SLC30A7: variants seen among roughly 807,000 people sequenced by gnomAD.
SLC30A7 encodes the protein zinc transporter 7.
SLC30A7 carries 35 observed loss-of-function variants against 46.0 expected under a neutral mutation model. That is an observed-to-expected ratio of 0.76 (90% confidence interval 0.58 to 1.01). SLC30A7 has a LOEUF of 1.01. Ranked by LOEUF, SLC30A7 falls within the 50% of genes least tolerant of loss-of-function variation. The probability of loss-of-function intolerance (pLI) is 0.00; values close to 1 mark genes in which losing one functional copy is unlikely to be tolerated. For missense variants in SLC30A7, 464 were observed against 451.1 expected, an observed-to-expected ratio of 1.03 and a Z score of -0.26; for synonymous variants, 147 against 157.8, an observed-to-expected ratio of 0.93 and a Z score of 0.51.
chr1:100,948,063 TG>T (rs755220610), intron 8 of SLC30A7, among the ~76,000 whole-genome samples: 6 of 152,200 alleles, frequency 3.9e-5, no homozygotes, highest in Non-Finnish European at 5.9e-5. Flanking sequence ...AGGTTAATAT[TG>T]TTATGTGTGA....
chr1:100,910,223 A>C (rs1227529245), intron 3 of SLC30A7, among the ~76,000 whole-genome samples: 1 of 152,100 alleles, frequency 6.6e-6, no homozygotes, highest in Non-Finnish European at 1.5e-5. Flanking sequence ...TATATTGTTT[A>C]AGGACCAGAG....
At chr1:100,962,026 C>A in intron 9 of SLC30A7, 108 bp downstream of exon 9, 2 of 592,694 alleles carry the variant, frequency 3.4e-6, no homozygotes, top group Non-Finnish European at 5.8e-6. Context: ...CTGTTTCTTC[C>A]AAGATTGAAT....
At chr1:100,919,431 C>T (rs529946434) in intron 7 of SLC30A7, among the ~76,000 whole-genome samples, 4 of 152,172 alleles carry the variant, frequency 2.6e-5, no homozygotes, top group South Asian at 2.1e-4. Context: ...ATATAACTCT[C>T]GTTTTTTATT....
At chr1:100,896,401 C>G in intron 1 of SLC30A7, 59 bp downstream of exon 1, 1 of 1,578,552 alleles carries the variant, frequency 6.3e-7, no homozygotes, top group South Asian at 1.1e-5. Flanking sequence ...AAGGCCCAGA[C>G]CTCAGGATGG....
intron 8 of SLC30A7, among the ~76,000 whole-genome samples, chr1:100,936,067 CTTCTT>C (rs1321378081): frequency 6.6e-6 from 1 of 151,602 alleles, no homozygotes; most frequent in Non-Finnish European, 1.5e-5. Context: ...TTTAAATTGT[CTTCTT>C]TTCATTTTTC....
At chr1:100,963,674 ATGATCTGCACTGTCCAATAT>A (rs1655677918) in intron 9 of SLC30A7, among the ~76,000 whole-genome samples, 1 of 152,142 alleles carries the variant, frequency 6.6e-6, no homozygotes, top group Non-Finnish European at 1.5e-5. Flanking sequence ...GAAATGTTCT[ATGATCTGCACTGTCCAATAT>A]GGAAGCCACA....
At chr1:100,915,226 TTTCTTTCTTTC>T (rs1454350382) in intron 6 of SLC30A7, among the ~76,000 whole-genome samples, 1 of 147,482 alleles carries the variant, frequency 6.8e-6, no homozygotes, top group Non-Finnish European at 1.5e-5. Context: ...TCTTTCTTTC[TTTCTTTCTTTC>T]TTTCTTTCTT....
chr1:100,979,246 C>T lies in SLC30A7; in HGVS notation c.*4389C>T, dbSNP rs1194629867. On this transcript the variant is annotated 3_prime_UTR_variant, in exon 11 of 11. Transcript: ENST00000357650. ...TAAACTTTTTTTTTCCTTTCATCAC[C>T]GTCTTTGAAACAAATTATTTTCCAA... 4 of 151,058 alleles carry T rather than the reference C, an allele frequency of 2.6e-5. No individual in the cohort carries two copies. The highest frequency in any genetic ancestry group is 2.1e-4 in the South Asian group (1 of 4,800). The allele number at this position is 151,058 out of a possible 1,614,324, so 9.4% of individuals were successfully genotyped here.
intron 2 of SLC30A7, among the ~76,000 whole-genome samples, chr1:100,904,343 T>C (rs376044162): frequency 1.3e-5 from 2 of 152,212 alleles, no homozygotes; most frequent in South Asian, 4.1e-4. Context: ...AACTTGTTTT[T>C]TGTTTCTAGT....
intron 8 of SLC30A7, among the ~76,000 whole-genome samples, chr1:100,955,072 T>C (rs546412546): frequency 1.7e-3 from 255 of 152,214 alleles, no homozygotes; most frequent in African/African-American, 6.1e-3. Context: ...ACTTGACATT[T>C]ATTCTCAGAT....
rs1656811739 is a variant in SLC30A7, at chr1:100,979,680, T to C, written c.*4823T>C. ...GAATAATTTTGCATGATTTTATGAT[T>C]GACGGAGCATTTTCAAATCTCCTCT... On this transcript the variant is annotated 3_prime_UTR_variant, in exon 11 of 11. Transcript: ENST00000357650. 2 of 152,192 alleles carry C rather than the reference T, an allele frequency of 1.3e-5. No homozygotes were observed. The highest frequency in any genetic ancestry group is 1.3e-4 in the Admixed American group (2 of 15,282). The allele number at this position is 152,192 out of a possible 1,614,324, so 9.4% of individuals were successfully genotyped here.
At chr1:100,943,503 A>G (rs569644939) in intron 8 of SLC30A7, among the ~76,000 whole-genome samples, 4 of 152,270 alleles carry the variant, frequency 2.6e-5, no homozygotes, top group East Asian at 3.9e-4. Context: ...GGCATGATTG[A>G]TTAATTGGCC....
chr1:100,990,723 A>C, the SLC30A7 span: 2 of 1,196,192 alleles, frequency 1.7e-6, no homozygotes, highest in East Asian at 2.5e-5. Flanking sequence ...GTACATTTCA[A>C]GAAGCCCCAA....
At chr1:100,984,455 C>CTA (rs1180688957), downstream of SLC30A7, among the ~76,000 whole-genome samples, 1 of 152,170 alleles carries the variant, frequency 6.6e-6, no homozygotes, top group African/African-American at 2.4e-5. Flanking sequence ...CCTCAAATCA[C>CTA]TAATGCTTGG....
intron 7 of SLC30A7, among the ~76,000 whole-genome samples, chr1:100,921,009 A>C (rs1174724662): frequency 3.9e-5 from 6 of 152,070 alleles, no homozygotes; most frequent in Non-Finnish European, 8.8e-5. Context: ...TTTCTGGGCA[A>C]CTTTGACTTA....
At chr1:100,911,839 A>G (rs538410750) in intron 4 of SLC30A7, among the ~76,000 whole-genome samples, 5 of 152,316 alleles carry the variant, frequency 3.3e-5, no homozygotes, top group Admixed American at 1.3e-4. Flanking sequence ...AGTGTGAGCC[A>G]TGAAAGGCAG....
intron 10 of SLC30A7, among the ~76,000 whole-genome samples, chr1:100,967,960 G>A (rs1655949599): frequency 6.6e-6 from 1 of 152,078 alleles, no homozygotes; most frequent in Non-Finnish European, 1.5e-5. Flanking sequence ...ATAGAAGACT[G>A]TTCTTAATTC....
At chr1:100,913,830 G>A (rs200917832) in intron 6 of SLC30A7, 24 bp downstream of exon 6, 10 of 1,583,840 alleles carry the variant, frequency 6.3e-6, no homozygotes, top group Non-Finnish European at 8.6e-6. Flanking sequence ...AGAGACAAAT[G>A]GACAGCCTCC....
chr1:100,961,580 ATAT>A (rs1368567901), intron 8 of SLC30A7, among the ~76,000 whole-genome samples: 1 of 152,168 alleles, frequency 6.6e-6, no homozygotes, highest in African/African-American at 2.4e-5. Context: ...AGATGATATG[ATAT>A]TATTTCAGTT....
Sources: allele counts gnomAD v4.1 joint callset (sites outside exome capture counted in the v4.1 genomes callset), GRCh38; gene constraint gnomAD v4.1.1; transcripts MANE v1.5; gene names NCBI Gene and HGNC (gene_info 2026-07-23, HGNC 2026-07-21).